Variants in AGBL4 observed in about 807,000 individuals in gnomAD.
The protein encoded by AGBL4 is cytosolic carboxypeptidase 6.
In AGBL4, 58 loss-of-function variants were observed where a neutral mutation model predicts 66.4. That is an observed-to-expected ratio of 0.87 (90% CI 0.71 to 1.09). The LOEUF (loss-of-function observed/expected upper bound fraction) is 1.09. AGBL4 is among the 50% of genes least tolerant of loss of function. AGBL4 has a pLI of 0.00. For synonymous variants in AGBL4, 234 were observed against 222.9 expected, an observed-to-expected ratio of 1.05 and a Z score of -0.44; for missense variants, 579 against 631.0, an observed-to-expected ratio of 0.92 and a Z score of 0.88.
intron 4 of AGBL4, among the ~76,000 whole-genome samples, chr1:49,147,199 A>T (rs1646234706): frequency 6.6e-6 from 1 of 152,034 alleles, no homozygotes; most frequent in Admixed American, 6.6e-5. Flanking sequence ...TGCCCTGGAG[A>T]CTCTGGGGTA....
intron 2 of AGBL4, among the ~76,000 whole-genome samples, chr1:49,734,837 T>G (rs1571433295): frequency 6.6e-6 from 1 of 151,232 alleles, no homozygotes; most frequent in East Asian, 1.9e-4. Context: ...ATAATAATCA[T>G]GGGAAACTTA....
Position 48,606,006 on chromosome 1 carries a change from G to C in AGBL4, c.952-15021C>G, listed in dbSNP as rs537915611. Among the ~76,000 whole-genome samples the C allele has an allele frequency of 5.3e-5, 8 of 152,246 alleles. No individual in the cohort carries two copies. In the South Asian group the frequency reaches 1.7e-3, roughly 32 times the overall value. On this transcript the variant is annotated intron_variant, in intron 9 of 13. Coordinates refer to ENST00000371839, the MANE Select transcript of AGBL4 (RefSeq NM_032785.4). Reference sequence around the variant, plus strand: ...GTGTGAGAAGAAAATGAGGTGTTACGTAAAACCCCGCATTGCAGATTTTGC... The same window carrying C: ...GTGTGAGAAGAAAATGAGGTGTTACCTAAAACCCCGCATTGCAGATTTTGC...
rs527964237 is a variant in AGBL4 at position 49,797,713 on chromosome 1, G to A, written c.157+53683C>T. On this transcript the variant is annotated intron_variant, in intron 2 of 13. Coordinates refer to ENST00000371839, the MANE Select transcript of AGBL4 (RefSeq NM_032785.4). ...TGCCAACTAAGCCTCCCAAAGCACT[G>A]GGATTACAGGTGTGAGTCACTGCGC... Among the ~76,000 whole-genome samples, 3 of 152,198 alleles carry A rather than the reference G, an allele frequency of 2.0e-5. No individual in the cohort carries two copies. The East Asian group carries it at 5.8e-4, about 29-fold the overall frequency.
chr1:48,591,798 C>T (rs1644922856), intron 9 of AGBL4, among the ~76,000 whole-genome samples: 1 of 152,158 alleles, frequency 6.6e-6, no homozygotes, highest in African/African-American at 2.4e-5. Flanking sequence ...GACCAGTCTA[C>T]CTCTGCTCTT....
At chr1:49,147,712 A>G (rs1302271192) in intron 4 of AGBL4, among the ~76,000 whole-genome samples, 2 of 152,176 alleles carry the variant, frequency 1.3e-5, no homozygotes, top group African/African-American at 2.4e-5. Flanking sequence ...AAGCCTAATT[A>G]TAGCCCACTG....
At chr1:48,717,076 C>T (rs906370320) in intron 6 of AGBL4, among the ~76,000 whole-genome samples, 6 of 152,232 alleles carry the variant, frequency 3.9e-5, no homozygotes, top group Non-Finnish European at 7.3e-5. Context: ...GAAGAGCAGG[C>T]GCGGATAGTG....
At chr1:49,907,504 A>G (rs1176817806) in intron 1 of AGBL4, among the ~76,000 whole-genome samples, 1 of 152,144 alleles carries the variant, frequency 6.6e-6, no homozygotes, top group Non-Finnish European at 1.5e-5. Flanking sequence ...AAATGCCCTT[A>G]GGTAGGAATT....
chr1:48,655,829 G>A (rs1023178656), intron 7 of AGBL4, among the ~76,000 whole-genome samples: 7 of 152,152 alleles, frequency 4.6e-5, no homozygotes, highest in Admixed American at 3.3e-4. Context: ...GCTTAGTTAC[G>A]GGGTGACCTG....
intron 3 of AGBL4, among the ~76,000 whole-genome samples, chr1:49,652,823 C>A (rs1265970978): frequency 2.6e-5 from 4 of 152,158 alleles, no homozygotes; most frequent in Non-Finnish European, 4.4e-5. Context: ...ACTCTGATAT[C>A]CCTGAGAGAA....
intron 8 of AGBL4, among the ~76,000 whole-genome samples, chr1:48,639,004 T>C (rs1180207537): frequency 2.6e-5 from 4 of 152,210 alleles, no homozygotes; most frequent in Non-Finnish European, 5.9e-5. Context: ...TGTCCCGTTC[T>C]GGACTTCATA....
intron 3 of AGBL4, among the ~76,000 whole-genome samples, chr1:49,435,486 G>T (rs1009455131): frequency 1.3e-5 from 2 of 152,164 alleles, no homozygotes; most frequent in African/African-American, 4.8e-5. Flanking sequence ...TGGCCACAGT[G>T]GTGATGATTA....
chr1:49,064,488 T>C (rs1644457883), intron 4 of AGBL4, among the ~76,000 whole-genome samples: 1 of 152,246 alleles, frequency 6.6e-6, no homozygotes, highest in Admixed American at 6.5e-5. Context: ...TTGTGGCTTA[T>C]TCTCCCTGAT....
intron 3 of AGBL4, among the ~76,000 whole-genome samples, chr1:49,372,625 TTCTTTCTTTCTTTCTTTC>T (rs1644377651): frequency 4.4e-5 from 5 of 113,816 alleles, no homozygotes; most frequent in Non-Finnish European, 1.8e-5. Flanking sequence ...CTTTCTTTCT[TTCTTTCTTTCTTTCTTTC>T]TTTCTTTCTT....
chr1:48,972,497 C>T (rs749028192), intron 5 of AGBL4, among the ~76,000 whole-genome samples: 1 of 152,152 alleles, frequency 6.6e-6, no homozygotes, highest in African/African-American at 2.4e-5. Flanking sequence ...TCCCTCATTT[C>T]ATTCTCAATC....
chr1:49,347,665 C>T (rs182548997), intron 3 of AGBL4, among the ~76,000 whole-genome samples: 3,301 of 151,760 alleles, frequency 0.022, 57 homozygotes, highest in Non-Finnish European at 0.036. Flanking sequence ...TGAGACCATC[C>T]CGGCCAACAT....
At chr1:49,929,734 C>T (rs1006698716) in intron 1 of AGBL4, among the ~76,000 whole-genome samples, 1 of 151,686 alleles carries the variant, frequency 6.6e-6, no homozygotes, top group Admixed American at 6.6e-5. Flanking sequence ...AATGTAACTA[C>T]ACAAATAAAG....
Position 48,906,884 on chromosome 1 carries a change from C to T in AGBL4, c.595-39654G>A, listed in dbSNP as rs576164200. 4.4e-4 allele frequency among the ~76,000 whole-genome samples: 67 copies of T among 152,290 alleles called. 1 individual carries two copies. The highest frequency in any genetic ancestry group is 6.2e-4 in the South Asian group (3 of 4,828). ...GTACAATAGATGACTGAAGAAGATA[C>T]GTTTCCTTCTGTGGTCACAAAAAAC... On this transcript the variant is annotated intron_variant, in intron 5 of 13. Coordinates refer to ENST00000371839, the MANE Select transcript of AGBL4 (RefSeq NM_032785.4).
At chr1:49,522,212 A>G (rs569286236) in intron 3 of AGBL4, among the ~76,000 whole-genome samples, 40 of 152,136 alleles carry the variant, frequency 2.6e-4, no homozygotes, top group African/African-American at 5.3e-4. Flanking sequence ...TTTATCATAG[A>G]TCCACCATTT....
At chr1:48,770,055 C>G (rs1644736155) in intron 6 of AGBL4, among the ~76,000 whole-genome samples, 1 of 152,154 alleles carries the variant, frequency 6.6e-6, no homozygotes, top group South Asian at 2.1e-4. Context: ...GAGCTCAGCA[C>G]CATGCTAGAA....
Sources: gnomAD v4.1 joint callset for allele counts (sites outside exome capture counted in the v4.1 genomes callset) on GRCh38, gnomAD v4.1.1 for gene constraint, MANE v1.5 for transcripts, NCBI Gene and HGNC (gene_info 2026-07-23, HGNC 2026-07-21) for gene names.